DLG2: variants seen among roughly 807,000 people sequenced by gnomAD.
The protein encoded by DLG2 is discs large MAGUK scaffold protein 2.
A neutral mutation model predicts 132.5 loss-of-function variants in DLG2; 45 were observed. The ratio of observed to expected loss-of-function variants is 0.34; its 90% CI spans 0.27 to 0.44. The LOEUF (loss-of-function observed/expected upper bound fraction) is 0.44. Ranked by LOEUF, DLG2 falls within the 20% of genes least tolerant of loss-of-function variation. The pLI, the probability that DLG2 is intolerant of heterozygous loss-of-function variation, is 1.00. For missense variants in DLG2, 1,045 were observed against 1,196.9 expected (o/e 0.87, Z 1.87); for synonymous variants, 424 against 419.6 (o/e 1.01, Z -0.13).
intron 7 of DLG2, among the ~76,000 whole-genome samples, chr11:84,253,808 T>G (rs897724706): frequency 7.9e-5 from 12 of 152,162 alleles, no homozygotes; most frequent in African/African-American, 2.9e-4. Flanking sequence ...ATTTGAATAT[T>G]GTTTTTTCTG....
intron 3 of DLG2, among the ~76,000 whole-genome samples, chr11:85,408,935 T>C (rs1242098624): frequency 6.6e-6 from 1 of 151,942 alleles, no homozygotes; most frequent in East Asian, 1.9e-4. Flanking sequence ...CTGGGTCAAA[T>C]GGTATTTCTA....
Position 83,907,747 on chromosome 11 carries a change from G to A in DLG2, c.1496+22581C>T, listed in dbSNP as rs76395850. ...GGAAGAAAAATCACACTCAGGAAATGTGGCAAGAAGTTTATAAGCAAGCCT... is the reference window on the plus strand; with the variant it reads ...GGAAGAAAAATCACACTCAGGAAATATGGCAAGAAGTTTATAAGCAAGCCT... On this transcript the variant is annotated intron_variant, in intron 15 of 27. Transcript: ENST00000376104. 8.4e-3 allele frequency among the ~76,000 whole-genome samples: 1,281 copies of A among 152,240 alleles called. 5 individuals are homozygous for A. Among genetic ancestry groups the A allele is most frequent in the Non-Finnish European group, 0.012 (793 of 68,000 alleles).
chr11:83,913,128 A>AT (rs892475061), intron 15 of DLG2, among the ~76,000 whole-genome samples: 2 of 152,108 alleles, frequency 1.3e-5, no homozygotes, highest in East Asian at 1.9e-4. Context: ...ATGTTAATAA[A>AT]TTAACATATT....
chr11:84,653,298 A>T (rs1435280929), intron 6 of DLG2, among the ~76,000 whole-genome samples: 5 of 152,186 alleles, frequency 3.3e-5, no homozygotes, highest in Non-Finnish European at 5.9e-5. Context: ...AGAAATTCAG[A>T]GCAGTTTCAA....
At chr11:84,703,887 C>T (rs868131703) in intron 6 of DLG2, among the ~76,000 whole-genome samples, 17 of 114,722 alleles carry the variant, frequency 1.5e-4, no homozygotes, top group East Asian at 8.2e-4. Context: ...TATATATACA[C>T]GTGTGTGTGT....
At chr11:83,748,359 A>G (rs977514867) in intron 18 of DLG2, among the ~76,000 whole-genome samples, 1 of 152,204 alleles carries the variant, frequency 6.6e-6, no homozygotes, top group Non-Finnish European at 1.5e-5. Flanking sequence ...GGACATTTTC[A>G]TCTGCAACTT....
At chr11:85,356,711 C>A (rs1400610825) in intron 3 of DLG2, among the ~76,000 whole-genome samples, 1 of 151,834 alleles carries the variant, frequency 6.6e-6, no homozygotes, top group African/African-American at 2.4e-5. Context: ...TGTATGAGCT[C>A]CAAGAGGGCA....
intron 7 of DLG2, among the ~76,000 whole-genome samples, chr11:84,346,860 T>G (rs1232556199): frequency 1.3e-5 from 2 of 152,174 alleles, no homozygotes; most frequent in African/African-American, 4.8e-5. Flanking sequence ...TTCATTTTGA[T>G]TCTACTATTG....
chr11:85,413,111 G>C (rs775625600), intron 3 of DLG2, among the ~76,000 whole-genome samples: 1 of 151,868 alleles, frequency 6.6e-6, no homozygotes, highest in Admixed American at 6.6e-5. Flanking sequence ...ATTCTTGCAC[G>C]AGTAAGGTGG....
At chr11:83,757,508 G>A (rs78562051) in intron 18 of DLG2, among the ~76,000 whole-genome samples, 2,008 of 152,266 alleles carry the variant, frequency 0.013, 24 homozygotes, top group Non-Finnish European at 0.02. Flanking sequence ...ATGCATAATG[G>A]TAGGGACAAC....
chr11:84,357,900 T>C (rs747968847), intron 7 of DLG2, among the ~76,000 whole-genome samples: 14 of 152,032 alleles, frequency 9.2e-5, no homozygotes, highest in Non-Finnish European at 1.2e-4. Flanking sequence ...AGGAGGGTTA[T>C]TGTAATAATT....
At chr11:85,406,577 G>A (rs949926677) in intron 3 of DLG2, among the ~76,000 whole-genome samples, 4 of 151,802 alleles carry the variant, frequency 2.6e-5, no homozygotes, top group Admixed American at 2.6e-4. Context: ...ACGATGACTG[G>A]TGAGAGCTGG....
At chr11:85,460,419 G>A (rs1173960320) in intron 3 of DLG2, among the ~76,000 whole-genome samples, 1 of 152,204 alleles carries the variant, frequency 6.6e-6, no homozygotes, top group African/African-American at 2.4e-5. Flanking sequence ...TGGCAGAACT[G>A]TGGGTCCCTG....
intron 4 of DLG2, among the ~76,000 whole-genome samples, chr11:85,242,331 T>C (rs1224721323): frequency 6.6e-6 from 1 of 150,626 alleles, no homozygotes; most frequent in Non-Finnish European, 1.5e-5. Context: ...CGTTTTATTG[T>C]TTTCTATATG....
chr11:83,813,787 A>T (rs1346489161), intron 17 of DLG2, among the ~76,000 whole-genome samples: 1 of 152,150 alleles, frequency 6.6e-6, no homozygotes, highest in East Asian at 1.9e-4. Flanking sequence ...CAGCAGCAAC[A>T]ACAACAAAAA....
chr11:85,116,150 T>C (rs2073540445), intron 5 of DLG2, among the ~76,000 whole-genome samples: 2 of 152,024 alleles, frequency 1.3e-5, no homozygotes, highest in Non-Finnish European at 2.9e-5. Flanking sequence ...CATGCAATAA[T>C]GTGTATGCAA....
At chr11:84,583,285 T>A (rs1222889304) in intron 6 of DLG2, among the ~76,000 whole-genome samples, 1 of 152,172 alleles carries the variant, frequency 6.6e-6, no homozygotes, top group Non-Finnish European at 1.5e-5. Flanking sequence ...CACTGCTCCC[T>A]CTCCCTGTTG....
chr11:85,387,045 A>C (rs890130393), intron 3 of DLG2, among the ~76,000 whole-genome samples: 2 of 151,428 alleles, frequency 1.3e-5, no homozygotes, highest in Admixed American at 1.3e-4. Context: ...ACACCACCAC[A>C]CTCAGATAAT....
At chr11:85,239,394 A>T (rs1267736963) in intron 4 of DLG2, among the ~76,000 whole-genome samples, 1 of 152,062 alleles carries the variant, frequency 6.6e-6, no homozygotes, top group Non-Finnish European at 1.5e-5. Context: ...AGATTTCTGT[A>T]TATTTTATAG....
Sources: gnomAD v4.1 joint callset for allele counts (sites outside exome capture counted in the v4.1 genomes callset) on GRCh38, gnomAD v4.1.1 for gene constraint, MANE v1.5 for transcripts, NCBI Gene and HGNC (gene_info 2026-07-23, HGNC 2026-07-21) for gene names.